GLI3: variants seen among roughly 807,000 people sequenced by gnomAD.
GLI3 encodes the protein GLI family zinc finger 3, also known as transcription activator GLI3.
A neutral mutation model predicts 100.8 loss-of-function variants in GLI3; 20 were observed. That is an observed-to-expected ratio of 0.20 (90% CI 0.14 to 0.29). The LOEUF is 0.29. Among genes scored for constraint, GLI3 ranks in the 10% least tolerant of loss-of-function variants. The pLI is 1.00. For synonymous variants in GLI3, 938 were observed against 860.5 expected (o/e 1.09, Z -1.58); for missense variants, 2,040 against 2,128.5 (o/e 0.96, Z 0.82).
At chr7:42,168,266 G>T (rs1029849071) in intron 2 of GLI3, among the ~76,000 whole-genome samples, 1 of 152,178 alleles carries the variant, frequency 6.6e-6, no homozygotes, top group Non-Finnish European at 1.5e-5. Flanking sequence ...AAAACACTGT[G>T]CATTGCCAAG....
At chr7:42,059,019 C>T (rs1213376676) in intron 4 of GLI3, among the ~76,000 whole-genome samples, 1 of 151,432 alleles carries the variant, frequency 6.6e-6, no homozygotes, top group Non-Finnish European at 1.5e-5. Context: ...AGCTAAATGA[C>T]CACATCTCAT....
In GLI3 at chr7:41,965,048, T is replaced by C. The variant is rs1450363833; in HGVS notation, c.4025A>G (p.Gln1342Arg). The C allele has an allele frequency of 2.5e-6, 4 of 1,613,790 alleles. No individual in the cohort carries two copies. The highest frequency in any genetic ancestry group is 2.5e-6 in the Non-Finnish European group (3 of 1,180,024). ...AGCACTAATCTGCCCAAGCATCTGC[T>C]GACCGGGGCGGCCTGCCCCCGGGTG... The part of the protein sequence containing the change: ...MQHPGAGRPG[Q>R]QMLGQISATS... Residue 1342 changes from glutamine (Q) to arginine (R), a missense_variant, in exon 15 of 15, where the codon CAG becomes CGG. By Grantham distance (43) the Gln-to-Arg change is conservative. Transcript: ENST00000395925.
At chr7:42,260,445 T>G (rs73098314) in intron 1 of GLI3, among the ~76,000 whole-genome samples, 1 of 152,336 alleles carries the variant, frequency 6.6e-6, no homozygotes, top group Non-Finnish European at 1.5e-5. Context: ...GTATTATATT[T>G]TTAAAAGAGT....
intron 1 of GLI3, among the ~76,000 whole-genome samples, chr7:42,262,020 C>T (rs201313188): frequency 1.7e-5 from 2 of 118,360 alleles, no homozygotes; most frequent in Admixed American, 8.9e-5. Flanking sequence ...TTTCCTTCCT[C>T]TCTCTCTCTC....
chr7:42,107,897 G>A (rs1488134419), intron 3 of GLI3, among the ~76,000 whole-genome samples: 2 of 152,162 alleles, frequency 1.3e-5, no homozygotes, highest in African/African-American at 4.8e-5. Flanking sequence ...CCGGTGGCGT[G>A]CTGGATTTTT....
At chr7:42,109,418 A>G (rs920256258) in intron 3 of GLI3, among the ~76,000 whole-genome samples, 5 of 152,152 alleles carry the variant, frequency 3.3e-5, no homozygotes, top group African/African-American at 1.2e-4. Context: ...CTATAATAAG[A>G]TATTGCTGAT....
intron 2 of GLI3, among the ~76,000 whole-genome samples, chr7:42,210,490 C>G (rs1788250708): frequency 6.6e-6 from 1 of 151,936 alleles, no homozygotes. Flanking sequence ...CCTCCCTGCC[C>G]CCAGAGCAGT....
intron 1 of GLI3, among the ~76,000 whole-genome samples, chr7:42,244,617 G>A (rs915971590): frequency 6.6e-6 from 1 of 151,994 alleles, no homozygotes; most frequent in Admixed American, 6.6e-5. Flanking sequence ...AGGCAATTAA[G>A]GCCAAAAAGC....
upstream of GLI3, among the ~76,000 whole-genome samples, chr7:42,242,215 A>G (rs749214064): frequency 4.6e-5 from 7 of 152,194 alleles, no homozygotes; most frequent in African/African-American, 7.2e-5. Context: ...TCATCTGCCA[A>G]TGCATGTTAA....
rs561448302 is a variant in GLI3, at chr7:42,134,765, C to T, written c.367+13461G>A. ...ATTAGCAAGGGTCAGGATGAGCTCA[C>T]GTGAAATTTTCCCTGCAAGAAAACT... On this transcript the variant is annotated intron_variant, in intron 3 of 14. Transcript: ENST00000395925. Among the ~76,000 whole-genome samples the T allele has an allele frequency of 8.5e-5, 13 of 152,170 alleles. No homozygotes were observed. In the South Asian group the frequency reaches 1.9e-3, roughly 22 times the overall value.
Position 41,965,940 on chromosome 7 carries a change from C to A in GLI3, c.3133G>T (p.Val1045Leu). The change falls in exon 15 of 15, where the codon GTG (valine) becomes TTG (leucine). Residue 1045 changes from valine to leucine, a missense_variant. By Grantham distance (32) the Val-to-Leu change is conservative (BLOSUM62 1). Coordinates refer to ENST00000395925, the MANE Select transcript of GLI3 (RefSeq NM_000168.6). ...MATSAEKRSL[V>L]LQNYTRPEGG... ...TCGGGCCGCGTGTAATTCTGAAGCA[C>A]GAGACTGCGCTTCTCCGCGGACGTG... The A allele has an allele frequency of 6.2e-7, 1 of 1,612,588 alleles. No homozygotes were observed. The highest frequency in any genetic ancestry group is 8.5e-7 in the Non-Finnish European group (1 of 1,179,822).
chr7:42,007,221 T>TAAA (rs1788482484), intron 10 of GLI3, among the ~76,000 whole-genome samples: 1 of 25,230 alleles, frequency 4.0e-5, no homozygotes, highest in Non-Finnish European at 8.0e-5. Flanking sequence ...AGGAGGAAAT[T>TAAA]TAAAAAAAAA....
At chr7:42,250,548 C>G (rs1190822179) in intron 1 of GLI3, among the ~76,000 whole-genome samples, 1 of 152,136 alleles carries the variant, frequency 6.6e-6, no homozygotes, top group Non-Finnish European at 1.5e-5. Context: ...GACTCAGGGC[C>G]CAATCCAACT....
chr7:42,009,315 C>T (rs1377850082), intron 10 of GLI3, among the ~76,000 whole-genome samples: 2 of 152,098 alleles, frequency 1.3e-5, no homozygotes, highest in Admixed American at 6.6e-5. Flanking sequence ...TATCAATGAT[C>T]ACCATTTTAT....
chr7:41,982,637 G>C (rs923985982), intron 10 of GLI3, among the ~76,000 whole-genome samples: 25 of 150,878 alleles, frequency 1.7e-4, no homozygotes, highest in Non-Finnish European at 3.4e-4. Context: ...AGGAGGTCAA[G>C]GCAGTAGTGA....
intron 11 of GLI3, chr7:41,977,941 GTT>G (rs60699625): frequency 1.1e-4 from 55 of 516,652 alleles, no homozygotes; most frequent in East Asian, 6.2e-4. Context: ...AAGTCCTGAA[GTT>G]TTTTTTTTTA....
intron 10 of GLI3, among the ~76,000 whole-genome samples, chr7:41,986,324 G>A (rs1255928944): frequency 2.0e-5 from 3 of 152,092 alleles, no homozygotes; most frequent in African/African-American, 2.4e-5. Flanking sequence ...CTTTAACAAG[G>A]TAGATGTTTT....
rs200962638 is a variant in GLI3 at position 42,148,594 on chromosome 7, C to T, written c.125-126G>A. ...AAAGAAGTATCTTTCTCATTCACAG[C>T]AACTTTGAGAGCTACAGGGCTGGGA... On this transcript the variant is annotated intron_variant, in intron 2 of 14. Coordinates refer to ENST00000395925, the MANE Select transcript of GLI3 (RefSeq NM_000168.6). 4.8e-4 allele frequency: 442 copies of T among 922,930 alleles called. 4 individuals are homozygous for T. The African/African-American group carries it at 6.5e-3, about 14-fold the overall frequency. 57.2% of individuals were successfully genotyped at this position (922,930 alleles called of 1,614,324 possible).
intron 1 of GLI3, among the ~76,000 whole-genome samples, chr7:42,258,858 A>G (rs1191093247): frequency 6.6e-6 from 1 of 152,166 alleles, no homozygotes; most frequent in Non-Finnish European, 1.5e-5. Flanking sequence ...CAACATATGA[A>G]TTTTGGGGGG....
Sources: allele counts gnomAD v4.1 joint callset (sites outside exome capture counted in the v4.1 genomes callset), GRCh38; gene constraint gnomAD v4.1.1; transcripts MANE v1.5; gene names NCBI Gene and HGNC (gene_info 2026-07-23, HGNC 2026-07-21).